Variants in AGL observed in about 807,000 individuals in gnomAD.
AGL encodes glycogen debranching enzyme.
Under a neutral mutation model 199.3 loss-of-function variants are expected in AGL, and 128 were observed. The observed-to-expected ratio is 0.64, with a 90% CI of 0.56 to 0.74. The LOEUF (loss-of-function observed/expected upper bound fraction) is 0.74, where lower values mean the gene tolerates loss of function less well. AGL is among the 30% of genes least tolerant of loss of function. The pLI, the probability that AGL is intolerant of heterozygous loss-of-function variation, is 0.00. For missense variants in AGL, 1,809 were observed against 1,820.8 expected, an observed-to-expected ratio of 0.99 and a Z score of 0.12; for synonymous variants, 584 against 594.7, an observed-to-expected ratio of 0.98 and a Z score of 0.26.
At position 99,881,358 on chromosome 1, in the gene AGL, G is replaced by A; in HGVS notation, c.2068G>A (p.Gly690Ser). Residue 690 changes from glycine (G) to serine (S), a missense_variant, in exon 16 of 34, where the codon GGT becomes AGT. By Grantham distance (56) the Gly-to-Ser change is moderately conservative. Transcript: ENST00000361915. ...TCCTGAAGCATTGCCTTCAAACACA[G>A]GTGAAGTTAATTTCCAAAGCGGCAT... Reference protein sequence around the residue: ...WNPEALPSNTGEVNFQSGIIA... With the variant: ...WNPEALPSNTSEVNFQSGIIA... The A allele has an allele frequency of 6.2e-7, 1 of 1,614,124 alleles. No homozygotes were observed. Among genetic ancestry groups the A allele is most frequent in the Non-Finnish European group, 8.5e-7 (1 of 1,180,004 alleles).
intron 24 of AGL, among the ~76,000 whole-genome samples, chr1:99,893,587 T>G (rs948390275): frequency 3.3e-5 from 5 of 152,242 alleles, no homozygotes; most frequent in Non-Finnish European, 7.3e-5. Flanking sequence ...AATAGTAATT[T>G]CAACCTTTTT....
intron 2 of AGL, among the ~76,000 whole-genome samples, chr1:99,852,932 T>C (rs1649101026): frequency 6.6e-6 from 1 of 152,122 alleles, no homozygotes. Flanking sequence ...TCCAAAAATA[T>C]CCCCTGCCCA....
chr1:99,886,279 C>A (rs1228868745), intron 20 of AGL, among the ~76,000 whole-genome samples: 1 of 152,222 alleles, frequency 6.6e-6, no homozygotes, highest in African/African-American at 2.4e-5. Flanking sequence ...AGTCCAAGAC[C>A]AGCCTGGGCA....
intron 2 of AGL, among the ~76,000 whole-genome samples, chr1:99,857,842 G>GAGGGAGACCGT (rs1649678553): frequency 7.5e-6 from 1 of 132,834 alleles, no homozygotes; most frequent in African/African-American, 2.8e-5. Context: ...GGGAGGGGGA[G>GAGGGAGACCGT]GGGGAGGGGG....
In AGL at chr1:99,861,469, A is replaced by G. The variant is rs200998407; in HGVS notation, c.83-34A>G. ...TTTTCAATGTGGTAATTTAAGTCCTACGATGAGTTTATTAACATGTGCTTT... is the reference window on the plus strand; with the variant it reads ...TTTTCAATGTGGTAATTTAAGTCCTGCGATGAGTTTATTAACATGTGCTTT... On this transcript the variant is annotated intron_variant, in intron 2 of 33. Transcript: ENST00000361915. The G allele has an allele frequency of 1.7e-4, 275 of 1,613,312 alleles. No individual in the cohort carries two copies. The East Asian group carries it at 3.5e-3, about 21-fold the overall frequency.
intron 19 of AGL, 52 bp downstream of exon 19, chr1:99,884,503 G>A: frequency 6.2e-7 from 1 of 1,600,190 alleles, no homozygotes; most frequent in Non-Finnish European, 8.6e-7. Context: ...AAAATAGTTT[G>A]CATATCCTGT....
Position 99,881,686 on chromosome 1 carries a change from T to A in AGL, c.2303T>A (p.Ile768Asn), listed in dbSNP as rs1652043382. 1 of 1,613,766 alleles carries A rather than the reference T, an allele frequency of 6.2e-7. No homozygotes were observed. The highest frequency in any genetic ancestry group is 8.5e-7 in the Non-Finnish European group (1 of 1,179,790). ...AGCAAGGAAGTGCCTCAAATGTGCA[T>A]CCCTGGTAATGCAATCTAAAAATTG... ...FYSKEVPQMC[I>N]PGKIEEVVLE... The change falls in exon 17 of 34, where the codon ATC becomes AAC. Residue 768 changes from isoleucine to asparagine, a missense_variant. Transcript: ENST00000361915.
chr1:99,874,276 T>C (rs1651288403), intron 7 of AGL, among the ~76,000 whole-genome samples: 1 of 148,362 alleles, frequency 6.7e-6, no homozygotes. Flanking sequence ...AAAAGGTACA[T>C]GTATACATGT....
At chr1:99,891,446 C>A in intron 22 of AGL, 90 bp downstream of exon 22, 1 of 1,538,146 alleles carries the variant, frequency 6.5e-7, no homozygotes, top group Non-Finnish European at 8.9e-7. Flanking sequence ...TGTTTTCTAA[C>A]CTGAACCATT....
intron 23 of AGL, among the ~76,000 whole-genome samples, chr1:99,891,949 A>G (rs1199116636): frequency 6.6e-6 from 1 of 152,158 alleles, no homozygotes; most frequent in Non-Finnish European, 1.5e-5. Context: ...CTAAAAGCTA[A>G]TAAAACATAT....
intron 10 of AGL, among the ~76,000 whole-genome samples, chr1:99,876,094 C>G (rs2101130954): frequency 6.6e-6 from 1 of 152,252 alleles, no homozygotes; most frequent in East Asian, 1.9e-4. Flanking sequence ...AGGCTGGTCT[C>G]AAACTCCTGA....
At chr1:99,905,654 A>T (rs189663648) in intron 27 of AGL, among the ~76,000 whole-genome samples, 1 of 152,132 alleles carries the variant, frequency 6.6e-6, no homozygotes, top group Non-Finnish European at 1.5e-5. Flanking sequence ...AGCTCACTCA[A>T]CTTCTAATTC....
rs1169100232 is a variant in AGL, at chr1:99,878,149, G to A, written c.1611+321G>A. Reference sequence around the variant, plus strand: ...AAAATGTTAATTTTTGTTATTTTTAGGTTGCTTTCAATATATTTTAGAAGT... The same window carrying A: ...AAAATGTTAATTTTTGTTATTTTTAAGTTGCTTTCAATATATTTTAGAAGT... On this transcript the variant is annotated intron_variant, in intron 12 of 33. Coordinates refer to ENST00000361915, the MANE Select transcript of AGL (RefSeq NM_000642.3). Among the ~76,000 whole-genome samples, 4 of 151,952 alleles carry A rather than the reference G, an allele frequency of 2.6e-5. No individual in the cohort carries two copies. In the East Asian group the frequency reaches 7.7e-4, roughly 29 times the overall value.
intron 21 of AGL, among the ~76,000 whole-genome samples, chr1:99,890,629 TAGA>T (rs1652809490): frequency 1.0e-5 from 1 of 96,012 alleles, no homozygotes; most frequent in Non-Finnish European, 2.3e-5. Context: ...AATTGAAGAC[TAGA>T]AGGATTAAGA....
chr1:99,900,881 TG>T lies in AGL; in HGVS notation c.3588+21del, dbSNP rs754741675. ...ACACTGGTAAAGATATTTCTTAAAA[TG>T]TTTTTTTGTTTTTTTTTTTTTTTCT... On this transcript the variant is annotated intron_variant, in intron 26 of 33. Coordinates refer to ENST00000361915, the MANE Select transcript of AGL (RefSeq NM_000642.3). The T allele has an allele frequency of 2.7e-6, 4 of 1,486,276 alleles. No individual in the cohort carries two copies. The highest frequency in any genetic ancestry group is 1.9e-5 in the Admixed American group (1 of 52,566). 92.1% of individuals were successfully genotyped at this position (1,486,276 alleles called of 1,614,324 possible). A position where few individuals can be genotyped will look rare whatever the true frequency, so the allele number is the denominator to read the frequency against.
At position 99,868,377 on chromosome 1, in the gene AGL, C is replaced by T. The variant is rs571128925; in HGVS notation, c.665-2023C>T. Among the ~76,000 whole-genome samples, 216 of 152,106 alleles carry T rather than the reference C, an allele frequency of 1.4e-3. 1 individual carries two copies. The highest frequency in any genetic ancestry group is 5.0e-3 in the African/African-American group (209 of 41,486). The stretch of plus-strand genomic sequence containing the variant: ...CTGTAATCCCAGCACTTTGGGAGGC[C>T]GTGGCGGATGGGTCACCTGAGGTCA... On this transcript the variant is annotated intron_variant, in intron 5 of 33. Coordinates refer to ENST00000361915, the MANE Select transcript of AGL (RefSeq NM_000642.3).
intron 17 of AGL, among the ~76,000 whole-genome samples, chr1:99,883,234 C>G (rs961406199): frequency 6.6e-6 from 1 of 152,032 alleles, no homozygotes; most frequent in African/African-American, 2.4e-5. Flanking sequence ...ATTTCTAGAT[C>G]AAAAGGTTCT....
intron 5 of AGL, 110 bp downstream of exon 5, chr1:99,864,699 C>G (rs1650358694): frequency 3.1e-6 from 3 of 975,798 alleles, no homozygotes; most frequent in African/African-American, 3.3e-5. Context: ...AAGGGGCTAA[C>G]ATAAATTTTA....
chr1:99,916,816 G>C (rs988621253), intron 33 of AGL, 85 bp downstream of exon 33: 1 of 1,443,550 alleles, frequency 6.9e-7, no homozygotes, highest in Middle Eastern at 1.8e-4. Flanking sequence ...TCTTAGAATT[G>C]ATTTCTGTAT....
Sources: allele counts gnomAD v4.1 joint callset (sites outside exome capture counted in the v4.1 genomes callset), GRCh38; gene constraint gnomAD v4.1.1; transcripts MANE v1.5; gene names NCBI Gene and HGNC (gene_info 2026-07-23, HGNC 2026-07-21).